Variants in LRRC74A observed in about 807,000 individuals in gnomAD.
LRRC74A encodes leucine rich repeat containing 74A.
A neutral mutation model predicts 57.9 loss-of-function variants in LRRC74A; 44 were observed. The ratio of observed to expected loss-of-function variants is 0.76; its 90% CI spans 0.60 to 0.98. The LOEUF is 0.98. Ranked by LOEUF, LRRC74A falls within the 50% of genes least tolerant of loss-of-function variation. LRRC74A has a pLI of 0.00. For synonymous variants in LRRC74A, 211 were observed against 219.4 expected (o/e 0.96, Z 0.34); for missense variants, 572 against 574.0 (o/e 1.00, Z 0.04).
chr14:76,867,270 TG>T lies in LRRC74A; in HGVS notation c.1309-79del, dbSNP rs1309166842. 2.6e-3 allele frequency: 698 copies of T among 271,928 alleles called. 10 individuals are homozygous for T. Among genetic ancestry groups the T allele is most frequent in the South Asian group, 0.014 (626 of 45,488 alleles). The allele number at this position is 271,928 out of a possible 1,614,324, so 16.8% of individuals were successfully genotyped here. A position where few individuals can be genotyped will look rare whatever the true frequency, so the allele number is the denominator to read the frequency against. On this transcript the variant is annotated intron_variant, in intron 12 of 13. Coordinates refer to ENST00000689127, the MANE Select transcript of LRRC74A (RefSeq NM_001385106.1). The stretch of plus-strand genomic sequence containing the variant: ...TGTTGGGGGGGTGGGGTGTGTGTGT[TG>T]GGGGGGTAGTGTGTTTGGGGGGGTG...
chr14:76,857,147 G>T (rs532705707), intron 9 of LRRC74A, among the ~76,000 whole-genome samples: 27 of 114,432 alleles, frequency 2.4e-4, no homozygotes, highest in Non-Finnish European at 5.5e-4. Flanking sequence ...GGAGAGCAGT[G>T]AGATGGATAA....
intron 1 of LRRC74A, among the ~76,000 whole-genome samples, chr14:76,827,489 A>G (rs1285078021): frequency 6.6e-6 from 1 of 152,150 alleles, no homozygotes; most frequent in Non-Finnish European, 1.5e-5. Flanking sequence ...GTCAGTGCCT[A>G]AGGATTGAGC....
intron 9 of LRRC74A, among the ~76,000 whole-genome samples, chr14:76,854,722 GAATT>G (rs1207137338): frequency 1.3e-5 from 2 of 152,148 alleles, no homozygotes; most frequent in African/African-American, 4.8e-5. Context: ...ATGAATGAAT[GAATT>G]AATGAATACA....
At chr14:76,857,605 G>T (rs1232402959) in intron 10 of LRRC74A, 130 bp downstream of exon 10, 3 of 641,910 alleles carry the variant, frequency 4.7e-6, no homozygotes, top group Non-Finnish European at 8.3e-6. Flanking sequence ...CCATGAAAGG[G>T]TCACTTCTTT....
intron 2 of LRRC74A, among the ~76,000 whole-genome samples, chr14:76,829,885 G>A (rs2140253746): frequency 6.6e-6 from 1 of 152,298 alleles, no homozygotes; most frequent in East Asian, 1.9e-4. Flanking sequence ...AGAGAAAAGG[G>A]GGAGACGAGC....
intron 7 of LRRC74A, among the ~76,000 whole-genome samples, chr14:76,845,738 A>G (rs1897077514): frequency 6.6e-6 from 1 of 152,360 alleles, no homozygotes; most frequent in East Asian, 1.9e-4. Flanking sequence ...GACAAGCAAC[A>G]GGCTGGGCGT....
chr14:76,852,536 T>C, intron 8 of LRRC74A, 86 bp downstream of exon 8: 2 of 1,015,270 alleles, frequency 2.0e-6, no homozygotes, highest in Non-Finnish European at 2.9e-6. Context: ...CTCTTCCTCA[T>C]GGTCACCATC....
At chr14:76,868,251 C>G (rs763205176) in intron 13 of LRRC74A, among the ~76,000 whole-genome samples, 5 of 152,162 alleles carry the variant, frequency 3.3e-5, no homozygotes, top group Non-Finnish European at 7.4e-5. Flanking sequence ...TCACTTGAGC[C>G]CAGGAGGTCG....
intron 12 of LRRC74A, among the ~76,000 whole-genome samples, chr14:76,866,981 G>A (rs79466295): frequency 0.94 from 10,431 of 11,056 alleles, 5,002 homozygotes; most frequent in Middle Eastern, 1. Context: ...TGTGTTGGGG[G>A]GGTGGGGTGT....
intron 5 of LRRC74A, 48 bp downstream of exon 5, chr14:76,838,019 G>A (rs1320676862): frequency 2.4e-6 from 3 of 1,229,156 alleles, no homozygotes; most frequent in Non-Finnish European, 3.5e-6. Context: ...TCAGAGGGAG[G>A]GAAGAGGGGA....
intron 11 of LRRC74A, among the ~76,000 whole-genome samples, chr14:76,861,668 AGC>A (rs1429589400): frequency 6.6e-6 from 1 of 152,270 alleles, no homozygotes; most frequent in Admixed American, 6.5e-5. Flanking sequence ...AGAGAATAGT[AGC>A]GCCGAAAGGG....
chr14:76,844,295 G>A lies in LRRC74A; in HGVS notation c.545-128G>A, dbSNP rs1185467114. The A allele has an allele frequency of 2.2e-5, 19 of 844,966 alleles. 1 individual carries two copies. The Middle Eastern group carries it at 1.5e-3, about 65-fold the overall frequency. The allele number at this position is 844,966 out of a possible 1,614,324, so 52.3% of individuals were successfully genotyped here. A position where few individuals can be genotyped will look rare whatever the true frequency, so the allele number is the denominator to read the frequency against. On this transcript the variant is annotated intron_variant, in intron 5 of 13. Coordinates refer to ENST00000689127, the MANE Select transcript of LRRC74A (RefSeq NM_001385106.1). ...TGGGATTACAGGCGTAAGCCAATGC[G>A]TCTGGCCCCTACCACCTTTTTTCTG...
At chr14:76,855,459 G>A (rs757093080) in intron 9 of LRRC74A, among the ~76,000 whole-genome samples, 1 of 152,216 alleles carries the variant, frequency 6.6e-6, no homozygotes, top group Non-Finnish European at 1.5e-5. Context: ...TTTCCACAAT[G>A]ACCATATGTA....
chr14:76,850,767 C>G (rs1897406300), intron 7 of LRRC74A, among the ~76,000 whole-genome samples: 1 of 147,788 alleles, frequency 6.8e-6, no homozygotes, highest in Non-Finnish European at 1.5e-5. Context: ...GCCCGGGAGG[C>G]TGAAGCAGGA....
At chr14:76,859,758 C>T (rs1188054475) in intron 10 of LRRC74A, among the ~76,000 whole-genome samples, 1 of 150,254 alleles carries the variant, frequency 6.7e-6, no homozygotes, top group Non-Finnish European at 1.5e-5. Context: ...TCACTGCAAC[C>T]TCTACCTCCC....
chr14:76,861,657 CAGAGAATAGT>C (rs1898318108), intron 11 of LRRC74A, among the ~76,000 whole-genome samples: 1 of 152,236 alleles, frequency 6.6e-6, no homozygotes, highest in Non-Finnish European at 1.5e-5. Flanking sequence ...AATACAAAAT[CAGAGAATAGT>C]AGCGCCGAAA....
intron 12 of LRRC74A, 38 bp downstream of exon 12, chr14:76,866,113 T>A: frequency 1.4e-6 from 2 of 1,383,756 alleles, no homozygotes; most frequent in South Asian, 2.5e-5. Flanking sequence ...TGTGTGTGAG[T>A]GTGAGTGTGA....
Position 76,844,460 on chromosome 14 carries a change from C to A in LRRC74A, c.582C>A (p.Cys194Ter), listed in dbSNP as rs1566727082. ...AGGAAGACTCCGCAGCACTGCTCTG[C>A]CAAGCCCTGTCGGTAAGAGGCAGGG... is the stretch of plus-strand genomic sequence containing the variant. ...DFKEDSAALL[C>*]QALSTNYQIK... Residue 194 changes from cysteine to a stop codon, truncating the protein, a stop_gained, in exon 6 of 14, where the codon TGC (cysteine) becomes TGA (stop). Coordinates refer to ENST00000689127, the MANE Select transcript of LRRC74A (RefSeq NM_001385106.1). LOFTEE classifies it high-confidence loss of function. 1 of 1,612,132 alleles carries A rather than the reference C, an allele frequency of 6.2e-7. No individual in the cohort carries two copies. Among genetic ancestry groups the A allele is most frequent in the East Asian group, 2.2e-5 (1 of 44,792 alleles).
intron 4 of LRRC74A, among the ~76,000 whole-genome samples, chr14:76,837,184 GT>G (rs1457330698): frequency 1.3e-5 from 2 of 152,236 alleles, no homozygotes; most frequent in East Asian, 3.9e-4. Flanking sequence ...TTGCCTTAAA[GT>G]GAACTTTCTT....
Sources: allele counts gnomAD v4.1 joint callset (sites outside exome capture counted in the v4.1 genomes callset), GRCh38; gene constraint gnomAD v4.1.1; transcripts MANE v1.5; gene names NCBI Gene and HGNC (gene_info 2026-07-23, HGNC 2026-07-21).